SNRPN: variants seen among roughly 807,000 people sequenced by gnomAD.
The protein encoded by SNRPN is small nuclear ribonucleoprotein-associated protein N.
In SNRPN, 7 loss-of-function variants were observed where a neutral mutation model predicts 25.2. The ratio of observed to expected loss-of-function variants is 0.28; its 90% CI spans 0.16 to 0.52. The LOEUF is 0.52. Among genes scored for constraint, SNRPN ranks in the 20% least tolerant of loss-of-function variants. The pLI is 0.96. For missense variants in SNRPN, 196 were observed against 322.5 expected, an observed-to-expected ratio of 0.61 and a Z score of 3.00; for synonymous variants, 124 against 110.6, an observed-to-expected ratio of 1.12 and a Z score of -0.76.
chr15:24,962,701 C>T (rs2075023644), intron 2 of SNRPN, among the ~76,000 whole-genome samples: 1 of 152,090 alleles, frequency 6.6e-6, no homozygotes, highest in Admixed American at 6.5e-5. Context: ...TATACACAGA[C>T]ACACTCAGAC....
At chr15:24,844,477 G>C (rs2052011979) in intron 2 of SNRPN, among the ~76,000 whole-genome samples, 1 of 152,006 alleles carries the variant, frequency 6.6e-6, no homozygotes, top group Non-Finnish European at 1.5e-5. Flanking sequence ...AACAGTGTCT[G>C]TCAAAGAGCA....
intron 2 of SNRPN, among the ~76,000 whole-genome samples, chr15:24,886,811 T>A (rs2057239270): frequency 6.6e-6 from 1 of 152,182 alleles, no homozygotes; most frequent in African/African-American, 2.4e-5. Context: ...TATCATTCAT[T>A]TTAGTTATTT....
chr15:24,972,541 CTTTTTTTTTT>C (rs755600861), intron 3 of SNRPN, among the ~76,000 whole-genome samples: 1 of 112,222 alleles, frequency 8.9e-6, no homozygotes, highest in Non-Finnish European at 1.9e-5. Context: ...TTAGAGTATT[CTTTTTTTTTT>C]TTTTTTTTTG....
intron 3 of SNRPN, among the ~76,000 whole-genome samples, chr15:24,972,767 T>C (rs1054487191): frequency 1.3e-5 from 2 of 149,406 alleles, no homozygotes; most frequent in South Asian, 2.1e-4. Context: ...AGGGAAACAT[T>C]ATGCATGCTT....
chr15:24,837,307 G>A (rs1262530561), intron 2 of SNRPN, among the ~76,000 whole-genome samples: 3 of 151,922 alleles, frequency 2.0e-5, no homozygotes, highest in Admixed American at 6.6e-5. Context: ...TATGCAGAGC[G>A]AGTAAATGGA....
In SNRPN at chr15:24,977,084, G is replaced by A. The variant is rs925625973; in HGVS notation, c.420+55G>A. On this transcript the variant is annotated intron_variant, in intron 7 of 9. Coordinates refer to ENST00000390687, the MANE Select transcript of SNRPN (RefSeq NM_003097.6). ...TTGGGAGAATATGACTAAGCCGGAG[G>A]CCGAGGAGATTTAAAAACCTAAGTG... The A allele has an allele frequency of 7.0e-6, 10 of 1,431,046 alleles. No homozygotes were observed. The African/African-American group carries it at 8.7e-5, about 12-fold the overall frequency. 88.6% of individuals were successfully genotyped at this position (1,431,046 alleles called of 1,614,324 possible).
At chr15:24,935,882 G>A (rs1376422962) in intron 3 of SNRPN, among the ~76,000 whole-genome samples, 5 of 152,240 alleles carry the variant, frequency 3.3e-5, no homozygotes, top group South Asian at 2.1e-4. Context: ...ACTTTGGGAG[G>A]CCAAGGTGGG....
chr15:24,869,170 G>A (rs1595569443), intron 1 of SNRPN, among the ~76,000 whole-genome samples: 1 of 151,972 alleles, frequency 6.6e-6, no homozygotes, highest in African/African-American at 2.4e-5. Context: ...ATGCACTCAG[G>A]GGTTTTCAAC....
upstream of SNRPN, among the ~76,000 whole-genome samples, chr15:24,852,646 G>C (rs1375965814): frequency 6.6e-6 from 1 of 152,204 alleles, no homozygotes; most frequent in Non-Finnish European, 1.5e-5. Context: ...GCTGGACGCA[G>C]TGGCTTATGC....
chr15:24,884,049 C>T (rs1397313158), intron 1 of SNRPN, among the ~76,000 whole-genome samples: 13 of 142,930 alleles, frequency 9.1e-5, no homozygotes, highest in East Asian at 2.1e-4. Context: ...TGGTGGCTCA[C>T]GCCTGTAATC....
At chr15:24,855,382 G>T (rs2053291246), upstream of SNRPN, among the ~76,000 whole-genome samples, 1 of 152,126 alleles carries the variant, frequency 6.6e-6, no homozygotes, top group Non-Finnish European at 1.5e-5. Context: ...CTACAAGAAA[G>T]GAATGGATGA....
At chr15:24,864,339 CTTTTTTTTT>C (rs58622804) in intron 1 of SNRPN, among the ~76,000 whole-genome samples, 43 of 117,268 alleles carry the variant, frequency 3.7e-4, no homozygotes, top group Admixed American at 2.9e-3. Flanking sequence ...CTCTTCTTTT[CTTTTTTTTT>C]TTTTTTTTTT....
intron 3 of SNRPN, among the ~76,000 whole-genome samples, chr15:24,946,707 T>C (rs1436802369): frequency 1.3e-5 from 2 of 152,244 alleles, no homozygotes; most frequent in Non-Finnish European, 2.9e-5. Flanking sequence ...AAGGCTCAGG[T>C]GATCCCTCTG....
chr15:24,927,230 C>G (rs532873010), intron 3 of SNRPN, among the ~76,000 whole-genome samples: 1 of 151,910 alleles, frequency 6.6e-6, no homozygotes. Context: ...AAAGAAACCT[C>G]CTGCCTGAGC....
chr15:24,879,110 G>A (rs2056324796), intron 1 of SNRPN, among the ~76,000 whole-genome samples: 1 of 152,120 alleles, frequency 6.6e-6, no homozygotes, highest in African/African-American at 2.4e-5. Context: ...TACTTTTTAA[G>A]TGATTATTTT....
chr15:24,860,966 C>T (rs1239495992), intron 1 of SNRPN, among the ~76,000 whole-genome samples: 1 of 151,944 alleles, frequency 6.6e-6, no homozygotes, highest in Non-Finnish European at 1.5e-5. Context: ...AATGGGCTGC[C>T]CTTCATCCTT....
In SNRPN at chr15:24,978,281, G is replaced by A. The variant is rs746441330; in HGVS notation, c.648G>A (p.Pro216=). The change falls in exon 9 of 10, where the codon CCG becomes CCA. Residue 216 remains proline, a synonymous_variant. Transcript: ENST00000390687. ...PPARGTPIGM[P]PPGMRPPPPG... ...CTCGAGGGACGCCAATAGGCATGCC[G>A]CCTCCGGGAATGAGACCCCCTCCAC... 3.2e-5 allele frequency: 52 copies of A among 1,614,070 alleles called. No individual in the cohort carries two copies. The East Asian group carries it at 7.6e-4, about 24-fold the overall frequency.
At chr15:24,920,108 A>T (rs1188023698) in exon 3 of SNRPN, 1 of 152,138 alleles carries the variant, frequency 6.6e-6, no homozygotes, top group East Asian at 1.9e-4. Flanking sequence ...CCAGTGGCTG[A>T]ATCTACTTTC....
intron 1 of SNRPN, among the ~76,000 whole-genome samples, chr15:24,874,993 T>C (rs765360513): frequency 2.6e-5 from 4 of 152,226 alleles, no homozygotes; most frequent in Non-Finnish European, 4.4e-5. Context: ...TCAGTAATAA[T>C]ATAAAATTGT....
Sources: allele counts gnomAD v4.1 joint callset (sites outside exome capture counted in the v4.1 genomes callset), GRCh38; gene constraint gnomAD v4.1.1; transcripts MANE v1.5; gene names NCBI Gene and HGNC (gene_info 2026-07-23, HGNC 2026-07-21).